Variants in CFAP44 observed in about 807,000 individuals in gnomAD.
CFAP44 encodes the protein cilia and flagella associated protein 44, also known as cilia- and flagella-associated protein 44.
In CFAP44, 134 loss-of-function variants were observed where a neutral mutation model predicts 216.2. That is an observed-to-expected ratio of 0.62 (90% CI 0.54 to 0.72). The LOEUF (loss-of-function observed/expected upper bound fraction) is 0.72, where lower values mean the gene tolerates loss of function less well. Among genes scored for constraint, CFAP44 ranks in the 30% least tolerant of loss-of-function variants. The probability of loss-of-function intolerance (pLI) is 0.00; values close to 1 mark genes in which losing one functional copy is unlikely to be tolerated. For synonymous variants in CFAP44, 700 were observed against 727.6 expected (o/e 0.96, Z 0.61); for missense variants, 2,035 against 2,182.1 (o/e 0.93, Z 1.34).
chr3:113,350,755 C>A (rs990753909), intron 22 of CFAP44, among the ~76,000 whole-genome samples: 8 of 152,202 alleles, frequency 5.3e-5, no homozygotes, highest in African/African-American at 1.9e-4. Flanking sequence ...TTAGAGGTAA[C>A]CTCATTGTGA....
At chr3:113,325,139 T>C (rs967430715) in intron 28 of CFAP44, among the ~76,000 whole-genome samples, 1 of 151,454 alleles carries the variant, frequency 6.6e-6, no homozygotes, top group African/African-American at 2.4e-5. Flanking sequence ...CTGTCTCTAC[T>C]AAAAATAGAA....
intron 8 of CFAP44, among the ~76,000 whole-genome samples, chr3:113,406,373 A>T (rs894517548): frequency 3.3e-5 from 5 of 152,190 alleles, no homozygotes; most frequent in African/African-American, 1.2e-4. Flanking sequence ...ACTGAAAGTA[A>T]CAAATATTTG....
intron 14 of CFAP44, 87 bp from the exon 15 acceptor site, chr3:113,395,947 C>T (rs1933979494): frequency 2.3e-6 from 2 of 865,258 alleles, no homozygotes; most frequent in Admixed American, 2.6e-5. Flanking sequence ...TAACATAACG[C>T]TATCTCTATC....
At chr3:113,304,151 C>A (rs1364914416) in intron 31 of CFAP44, 34 bp from the exon 32 acceptor site, 1 of 1,520,144 alleles carries the variant, frequency 6.6e-7, no homozygotes, top group Admixed American at 2.0e-5. Context: ...AGAAAATAGA[C>A]AAAAACACAG....
At chr3:113,382,073 C>T (rs1357800986) in intron 15 of CFAP44, among the ~76,000 whole-genome samples, 1 of 152,116 alleles carries the variant, frequency 6.6e-6, no homozygotes, top group African/African-American at 2.4e-5. Flanking sequence ...TGCAAAAGTC[C>T]TGTGGAACAT....
rs536513356 is a variant in CFAP44 at position 113,392,371 on chromosome 3, C to A, written c.1890+3379G>T. Among the ~76,000 whole-genome samples the A allele has an allele frequency of 3.6e-5, 5 of 138,738 alleles. No individual in the cohort carries two copies. The South Asian group carries it at 8.8e-4, about 24-fold the overall frequency. The allele number at this position is 138,738 out of a possible 152,430, so 91.0% of individuals were successfully genotyped here. A position where few individuals can be genotyped will look rare whatever the true frequency, so the allele number is the denominator to read the frequency against. On this transcript the variant is annotated intron_variant, in intron 15 of 34. Coordinates refer to ENST00000393845, the MANE Select transcript of CFAP44 (RefSeq NM_001164496.2). ...AAAACAACTGAACTCATAGAGATGG[C>A]GAGTAGAATGATGGTCAACAGCAGC... is the stretch of plus-strand genomic sequence containing the variant.
chr3:113,305,189 C>G, intron 30 of CFAP44, 37 bp from the exon 31 acceptor site: 1 of 1,496,510 alleles, frequency 6.7e-7, no homozygotes, highest in Non-Finnish European at 9.0e-7. Flanking sequence ...GGTGACAAGA[C>G]TCAATAAACA....
rs754584003 is a variant in CFAP44, at chr3:113,420,025, C to A, written c.562G>T (p.Val188Phe). Residue 188 changes from valine to phenylalanine, a missense_variant, in exon 5 of 35, where the codon GTC becomes TTC. Around this residue, in one of 3 missense-constraint regions of CFAP44, gnomAD observed 1,883 missense variants for 2,023.7 expected, o/e 0.93. Coordinates refer to ENST00000393845, the MANE Select transcript of CFAP44 (RefSeq NM_001164496.2). ...LRSSSGEGIG[V>F]IGVHPHKTYF... ...ATTTATTGAAGGCATACCCCAATGACGCCAATTCCTTCACCACTGCTACTT... is the reference window on the plus strand; with the variant it reads ...ATTTATTGAAGGCATACCCCAATGAAGCCAATTCCTTCACCACTGCTACTT... 4 of 1,612,948 alleles carry A rather than the reference C, an allele frequency of 2.5e-6. No homozygotes were observed. Among genetic ancestry groups the A allele is most frequent in the Non-Finnish European group, 3.4e-6 (4 of 1,179,630 alleles).
intron 2 of CFAP44, among the ~76,000 whole-genome samples, chr3:113,431,474 C>T (rs1935104364): frequency 6.6e-6 from 1 of 152,080 alleles, no homozygotes; most frequent in African/African-American, 2.4e-5. Context: ...AACCAACACA[C>T]AGACAATCCT....
At chr3:113,326,319 C>A in intron 28 of CFAP44, 126 bp downstream of exon 28, 1 of 824,124 alleles carries the variant, frequency 1.2e-6, no homozygotes, top group Non-Finnish European at 1.7e-6. Flanking sequence ...TCTTTAGCCC[C>A]CACAGTGTCT....
At chr3:113,342,017 T>C (rs956474351) in intron 23 of CFAP44, 99 bp from the exon 24 acceptor site, 69 of 1,311,596 alleles carry the variant, frequency 5.3e-5, no homozygotes, top group Non-Finnish European at 6.7e-5. Flanking sequence ...ACACAGAGAA[T>C]ATATTGAATT....
intron 22 of CFAP44, among the ~76,000 whole-genome samples, chr3:113,353,400 C>T (rs2107830050): frequency 6.8e-6 from 1 of 147,100 alleles, no homozygotes; most frequent in Non-Finnish European, 1.5e-5. Context: ...TAAAGAACAG[C>T]CATGTACTTA....
At chr3:113,404,875 A>G (rs1255286610) in intron 8 of CFAP44, among the ~76,000 whole-genome samples, 1 of 152,080 alleles carries the variant, frequency 6.6e-6, no homozygotes, top group Non-Finnish European at 1.5e-5. Context: ...GTGGCTCAAA[A>G]CCTCCTATTC....
intron 18 of CFAP44, among the ~76,000 whole-genome samples, chr3:113,366,714 C>T (rs1200811988): frequency 6.6e-6 from 1 of 152,192 alleles, no homozygotes; most frequent in African/African-American, 2.4e-5. Context: ...ACTGGTTGGA[C>T]AGTGGGTGCA....
intron 5 of CFAP44, 105 bp from the exon 6 acceptor site, chr3:113,416,732 T>G: frequency 2.5e-6 from 2 of 799,190 alleles, no homozygotes; most frequent in South Asian, 4.4e-5. Context: ...TTATTAGGCT[T>G]TACTCTAATA....
intron 21 of CFAP44, 51 bp from the exon 22 acceptor site, chr3:113,358,926 T>C: frequency 6.7e-7 from 1 of 1,495,386 alleles, no homozygotes; most frequent in East Asian, 2.5e-5. Context: ...TCAACTCTGT[T>C]TCATATATTT....
chr3:113,293,347 AC>A (rs916736065), intron 34 of CFAP44, among the ~76,000 whole-genome samples: 19 of 152,220 alleles, frequency 1.2e-4, no homozygotes, highest in African/African-American at 2.9e-4. Context: ...AGGCAGACAG[AC>A]CTGAATTTCA....
At chr3:113,337,781 T>C (rs1950293206) in intron 24 of CFAP44, among the ~76,000 whole-genome samples, 1 of 152,196 alleles carries the variant, frequency 6.6e-6, no homozygotes, top group Non-Finnish European at 1.5e-5. Context: ...GTCTGATAAC[T>C]TATTTAAAAA....
At chr3:113,328,956 T>A (rs1308912809) in intron 26 of CFAP44, among the ~76,000 whole-genome samples, 2 of 152,116 alleles carry the variant, frequency 1.3e-5, no homozygotes, top group African/African-American at 4.8e-5. Context: ...AATTGTTGTA[T>A]CCCTAATCCT....
Sources: gnomAD v4.1 joint callset for allele counts (sites outside exome capture counted in the v4.1 genomes callset) on GRCh38, gnomAD v4.1.1 for gene constraint, gnomAD v4.1.1 regional missense constraint, MANE v1.5 for transcripts, NCBI Gene and HGNC (gene_info 2026-07-23, HGNC 2026-07-21) for gene names.